Variants in PTPRT observed in about 807,000 individuals in gnomAD.
The protein encoded by PTPRT is protein tyrosine phosphatase receptor type T, also known as receptor-type tyrosine-protein phosphatase T.
Under a neutral mutation model 176.8 loss-of-function variants are expected in PTPRT, and 56 were observed. That is an observed-to-expected ratio of 0.32 (90% CI 0.26 to 0.40). PTPRT has a LOEUF of 0.40. Ranked by LOEUF, PTPRT falls within the 10% of genes least tolerant of loss-of-function variation. PTPRT has a pLI of 1.00. For missense variants in PTPRT, 1,540 were observed against 1,908.2 expected (o/e 0.81, Z 3.60); for synonymous variants, 783 against 739.0 (o/e 1.06, Z -0.96).
intron 8 of PTPRT, among the ~76,000 whole-genome samples, chr20:42,465,044 A>G (rs2071081093): frequency 6.6e-6 from 1 of 152,018 alleles, no homozygotes; most frequent in Non-Finnish European, 1.5e-5. Flanking sequence ...TGTATTAAAT[A>G]TCAATAATAT....
In PTPRT at chr20:42,104,444, G is replaced by T. The variant is rs774216484; in HGVS notation, c.3540+125C>A. The T allele has an allele frequency of 5.6e-5, 62 of 1,112,518 alleles. No individual in the cohort carries two copies. In the Admixed American group the frequency reaches 7.2e-4, roughly 13 times the overall value. 68.9% of individuals were successfully genotyped at this position (1,112,518 alleles called of 1,614,324 possible). ...CTGGATTTACTGGAAGCTTGATGCTGGGCTTCTCAGCCTCCAGAAATGTAA... is the reference window on the plus strand; with the variant it reads ...CTGGATTTACTGGAAGCTTGATGCTTGGCTTCTCAGCCTCCAGAAATGTAA... On this transcript the variant is annotated intron_variant, in intron 25 of 30. Coordinates refer to ENST00000373187, the MANE Select transcript of PTPRT (RefSeq NM_007050.6).
At chr20:43,058,690 C>T (rs1297572038) in intron 1 of PTPRT, among the ~76,000 whole-genome samples, 1 of 152,196 alleles carries the variant, frequency 6.6e-6, no homozygotes, top group East Asian at 1.9e-4. Flanking sequence ...AATTGTGCTC[C>T]ACATCTCTCC....
chr20:42,242,113 A>C (rs2056365901), intron 14 of PTPRT, among the ~76,000 whole-genome samples: 1 of 152,178 alleles, frequency 6.6e-6, no homozygotes, highest in Non-Finnish European at 1.5e-5. Context: ...CCAGAAACAA[A>C]ACAAAACAAA....
chr20:42,066,323 T>G, the PTPRT span, among the ~76,000 whole-genome samples: 2 of 152,162 alleles, frequency 1.3e-5, no homozygotes, highest in Non-Finnish European at 2.9e-5. Context: ...ATTACAGGCA[T>G]GAGCCACTGC....
At chr20:42,344,653 CA>C (rs2058161065) in intron 11 of PTPRT, among the ~76,000 whole-genome samples, 1 of 152,184 alleles carries the variant, frequency 6.6e-6, no homozygotes, top group Admixed American at 6.5e-5. Context: ...TGGAGAATGG[CA>C]TGCTTGGTGG....
chr20:42,936,510 G>A (rs1980203410), intron 1 of PTPRT, among the ~76,000 whole-genome samples: 1 of 152,202 alleles, frequency 6.6e-6, no homozygotes, highest in African/African-American at 2.4e-5. Flanking sequence ...GAAAGCTACT[G>A]GTGGGGGGTG....
At chr20:42,263,246 G>T (rs935570488) in intron 13 of PTPRT, among the ~76,000 whole-genome samples, 3 of 151,874 alleles carry the variant, frequency 2.0e-5, no homozygotes, top group Non-Finnish European at 4.4e-5. Context: ...TTGAGACTGG[G>T]TCTTGCTTTG....
intron 9 of PTPRT, among the ~76,000 whole-genome samples, chr20:42,381,002 T>G (rs965498310): frequency 4.6e-5 from 7 of 151,342 alleles, no homozygotes; most frequent in African/African-American, 1.7e-4. Flanking sequence ...ATGGTGGGAG[T>G]GGGAGTAAGG....
intron 9 of PTPRT, among the ~76,000 whole-genome samples, chr20:42,359,536 G>A (rs1204572026): frequency 6.6e-6 from 1 of 152,026 alleles, no homozygotes; most frequent in African/African-American, 2.4e-5. Flanking sequence ...CAAAGAGTGT[G>A]GGTCTCAGCC....
intron 1 of PTPRT, among the ~76,000 whole-genome samples, chr20:43,091,588 AAG>A (rs906513348): frequency 2.6e-5 from 4 of 151,876 alleles, no homozygotes; most frequent in East Asian, 1.9e-4. Context: ...GAGGATGAAA[AAG>A]AGATTTTTTC....
chr20:42,290,071 A>G (rs1021481302), intron 12 of PTPRT, among the ~76,000 whole-genome samples: 1 of 152,054 alleles, frequency 6.6e-6, no homozygotes, highest in Non-Finnish European at 1.5e-5. Flanking sequence ...GATATTTATC[A>G]GAGGAGAGGT....
At chr20:42,507,149 C>T (rs57065559) in intron 7 of PTPRT, among the ~76,000 whole-genome samples, 2,054 of 152,010 alleles carry the variant, frequency 0.014, 43 homozygotes, top group African/African-American at 0.048. Flanking sequence ...GTTAGAAGGC[C>T]CAAGATATGA....
intron 7 of PTPRT, among the ~76,000 whole-genome samples, chr20:42,638,187 A>G (rs1202513450): frequency 6.6e-6 from 1 of 152,156 alleles, no homozygotes; most frequent in Non-Finnish European, 1.5e-5. Context: ...AGCCTCACCC[A>G]TGTACCTGTC....
At chr20:42,447,368 A>T (rs2070752271) in intron 9 of PTPRT, among the ~76,000 whole-genome samples, 1 of 152,052 alleles carries the variant, frequency 6.6e-6, no homozygotes, top group African/African-American at 2.4e-5. Flanking sequence ...AACTCAGGAA[A>T]AGGTGGAGCT....
intron 16 of PTPRT, among the ~76,000 whole-genome samples, chr20:42,191,382 T>A (rs1057064012): frequency 5.9e-5 from 9 of 152,170 alleles, no homozygotes. Flanking sequence ...ATGAGTGATA[T>A]ATTTTAAACC....
chr20:42,137,343 G>A (rs1465611955), intron 18 of PTPRT, among the ~76,000 whole-genome samples: 1 of 152,118 alleles, frequency 6.6e-6, no homozygotes, highest in Non-Finnish European at 1.5e-5. Context: ...GTTTTGTTTT[G>A]AACCTGAGTT....
At chr20:42,433,587 A>C (rs942001478) in intron 9 of PTPRT, among the ~76,000 whole-genome samples, 4 of 152,240 alleles carry the variant, frequency 2.6e-5, no homozygotes, top group Admixed American at 2.6e-4. Context: ...GTCAGGGCAC[A>C]CACTTGCCCT....
Position 42,102,214 on chromosome 20 carries a change from A to G in PTPRT, c.3624T>C (p.Ser1208=), listed in dbSNP as rs2146239349. 1 of 1,614,056 alleles carries G rather than the reference A, an allele frequency of 6.2e-7. No individual in the cohort carries two copies. Among genetic ancestry groups the G allele is most frequent in the Non-Finnish European group, 8.5e-7 (1 of 1,179,990 alleles). The change falls in exon 26 of 31, where the codon AGT becomes AGC. Residue 1208 remains serine, a synonymous_variant. Coordinates refer to ENST00000373187, the MANE Select transcript of PTPRT (RefSeq NM_007050.6). ...LLPRNHDKNR[S]MDVLPLDRCL... is the part of the protein sequence containing the mutation. ...AGCGGTCCAGAGGCAGCACGTCCAT[A>G]CTTCGATTCTTATCATGGTTCCGGG...
intron 1 of PTPRT, among the ~76,000 whole-genome samples, chr20:43,087,952 G>A (rs2011668035): frequency 6.6e-6 from 1 of 152,070 alleles, no homozygotes; most frequent in South Asian, 2.1e-4. Context: ...TAGATAAGAG[G>A]AGTAAGTTCT....
Sources: gnomAD v4.1 joint callset for allele counts (sites outside exome capture counted in the v4.1 genomes callset) on GRCh38, gnomAD v4.1.1 for gene constraint, MANE v1.5 for transcripts, NCBI Gene and HGNC (gene_info 2026-07-23, HGNC 2026-07-21) for gene names.